The following FAM20B variants were observed in gnomAD, a reference collection of about 807,000 sequenced individuals.
The protein encoded by FAM20B is glycosaminoglycan xylosylkinase.
A neutral mutation model predicts 43.8 loss-of-function variants in FAM20B; 23 were observed. The observed-to-expected ratio is 0.53, with a 90% CI of 0.38 to 0.74. FAM20B has a LOEUF of 0.74. FAM20B is among the 30% of genes least tolerant of loss of function. The pLI is 0.00. For synonymous variants in FAM20B, 178 were observed against 192.4 expected (o/e 0.93, Z 0.62); for missense variants, 440 against 510.5 (o/e 0.86, Z 1.33).
the FAM20B span, among the ~76,000 whole-genome samples, chr1:179,018,855 C>T: frequency 1.1e-4 from 17 of 152,040 alleles, no homozygotes; most frequent in African/African-American, 3.9e-4. Flanking sequence ...GTTGAGAAGT[C>T]CCACAATCTG....
Position 179,072,126 on chromosome 1 carries a change from G to GT in FAM20B, c.1212_1213insT (p.Pro405SerfsTer12), listed in dbSNP as rs1407985286. The GT allele has an allele frequency of 6.2e-7, 1 of 1,612,276 alleles. No individual in the cohort carries two copies. Among genetic ancestry groups the GT allele is most frequent in the Non-Finnish European group, 8.5e-7 (1 of 1,178,754 alleles). ...ACACAGTACTGGTGGAAGACAGGAT[G>GT]CCTCTCTCACACTTGTAATTCTCGA... is the stretch of plus-strand genomic sequence containing the variant. On this transcript the variant is annotated frameshift_variant, in exon 8 of 8. Coordinates refer to ENST00000263733, the MANE Select transcript of FAM20B (RefSeq NM_014864.4). LOFTEE classifies it high-confidence loss of function.
At chr1:179,038,579 A>G (rs561266480) in intron 1 of FAM20B, among the ~76,000 whole-genome samples, 7 of 152,336 alleles carry the variant, frequency 4.6e-5, no homozygotes, top group African/African-American at 1.2e-4. Flanking sequence ...CAATACAACT[A>G]GATTTCCATA....
rs371088060 is a variant in FAM20B at position 179,075,838 on chromosome 1, C to T, written c.*3694C>T. 3.3e-5 allele frequency: 5 copies of T among 151,894 alleles called. No individual in the cohort carries two copies. The highest frequency in any genetic ancestry group is 6.6e-5 in the Admixed American group (1 of 15,244). 9.4% of individuals were successfully genotyped at this position (151,894 alleles called of 1,614,324 possible). On this transcript the variant is annotated 3_prime_UTR_variant, in exon 8 of 8. Transcript: ENST00000263733. ...GCCATATTTCTTCAGCCTTTCTTCT[C>T]GATCACCCGTGTATTCTTTGACCAG...
intron 4 of FAM20B, among the ~76,000 whole-genome samples, chr1:179,057,301 C>T (rs1329602030): frequency 6.6e-6 from 1 of 152,032 alleles, no homozygotes; most frequent in South Asian, 2.1e-4. Context: ...GCTGAGATCA[C>T]GCCACTGTAA....
intron 1 of FAM20B, among the ~76,000 whole-genome samples, chr1:179,037,700 T>C (rs1572533126): frequency 6.6e-6 from 1 of 152,046 alleles, no homozygotes; most frequent in South Asian, 2.1e-4. Context: ...TTGTCCAGGC[T>C]GGTCTTGAAC....
Position 179,074,037 on chromosome 1 carries a change from G to A in FAM20B, c.*1893G>A, listed in dbSNP as rs1557882633. ...TGCCAGCCATTGGAAACTAGTTTTA[G>A]GCAACCACTCTCAAAAACAGCTTTA... is the stretch of plus-strand genomic sequence containing the variant. On this transcript the variant is annotated 3_prime_UTR_variant, in exon 8 of 8. Coordinates refer to ENST00000263733, the MANE Select transcript of FAM20B (RefSeq NM_014864.4). 6.6e-6 allele frequency: 1 copy of A among 152,524 alleles called. No individual in the cohort carries two copies. Among genetic ancestry groups the A allele is most frequent in the African/African-American group, 2.4e-5 (1 of 41,444 alleles). 9.4% of individuals were successfully genotyped at this position (152,524 alleles called of 1,614,324 possible).
intron 4 of FAM20B, among the ~76,000 whole-genome samples, chr1:179,056,142 CA>C (rs1424425237): frequency 6.6e-6 from 1 of 152,210 alleles, no homozygotes; most frequent in Non-Finnish European, 1.5e-5. Flanking sequence ...ACATCATAAT[CA>C]CCCAGACTCC....
intron 7 of FAM20B, among the ~76,000 whole-genome samples, chr1:179,070,865 G>A (rs1651892748): frequency 6.6e-6 from 1 of 151,946 alleles, no homozygotes; most frequent in Non-Finnish European, 1.5e-5. Context: ...CATGAGGGCA[G>A]AGCACTCATG....
At chr1:179,019,282 G>A in the FAM20B span, among the ~76,000 whole-genome samples, 1 of 152,194 alleles carries the variant, frequency 6.6e-6, no homozygotes, top group African/African-American at 2.4e-5. Context: ...GTGGTTGGGT[G>A]GCTGGAAGGA....
At position 179,066,787 on chromosome 1, in the gene FAM20B, A is replaced by C. The variant is rs776724918; in HGVS notation, c.939-13A>C. ...CTTCCACCTAATTCACTAAGTTTTA[A>C]TTTAATTTTCAGCTTTGGGAACCCC... On this transcript the variant is annotated splice_polypyrimidine_tract_variant and intron_variant, in intron 6 of 7. Coordinates refer to ENST00000263733, the MANE Select transcript of FAM20B (RefSeq NM_014864.4). 1 of 1,597,596 alleles carries C rather than the reference A, an allele frequency of 6.3e-7. No individual in the cohort carries two copies. The highest frequency in any genetic ancestry group is 8.6e-7 in the Non-Finnish European group (1 of 1,164,974).
chr1:179,047,404 G>T (rs1650816928), intron 2 of FAM20B, among the ~76,000 whole-genome samples: 2 of 152,080 alleles, frequency 1.3e-5, no homozygotes. Flanking sequence ...ACAAAACCCA[G>T]CCTCCACAGC....
rs373762878 is a variant in FAM20B at position 179,064,111 on chromosome 1, A to G, written c.746+13A>G. On this transcript the variant is annotated intron_variant, in intron 5 of 7. Coordinates refer to ENST00000263733, the MANE Select transcript of FAM20B (RefSeq NM_014864.4). ...GCAAATTGGCCAGGTAAATGCTCCT[A>G]TGAGCCATTACTTAATTCTCCCCTG... 56 of 1,599,858 alleles carry G rather than the reference A, an allele frequency of 3.5e-5. No homozygotes were observed. The highest frequency in any genetic ancestry group is 1.0e-4 in the Admixed American group (6 of 57,898).
At position 179,039,987 on chromosome 1, in the gene FAM20B, G is replaced by A. The variant is rs570668923; in HGVS notation, c.-133-3728G>A. On this transcript the variant is annotated intron_variant, in intron 1 of 7. Coordinates refer to ENST00000263733, the MANE Select transcript of FAM20B (RefSeq NM_014864.4). ...TGTTTAACAAAGCACATCTTGCACC[G>A]CCCTTAATCCATTTAACCCTGAGTG... Among the ~76,000 whole-genome samples the A allele has an allele frequency of 2.1e-4, 32 of 152,248 alleles. No individual in the cohort carries two copies. The South Asian group carries it at 3.1e-3, about 15-fold the overall frequency.
At chr1:179,060,813 TGTTTAACCA>T (rs1415948259) in intron 4 of FAM20B, among the ~76,000 whole-genome samples, 1 of 152,342 alleles carries the variant, frequency 6.6e-6, no homozygotes, top group African/African-American at 2.4e-5. Context: ...CCTATATAGA[TGTTTAACCA>T]GTTTATATTC....
intron 1 of FAM20B, among the ~76,000 whole-genome samples, chr1:179,038,105 A>G (rs1268238084): frequency 6.6e-6 from 1 of 152,202 alleles, no homozygotes; most frequent in Non-Finnish European, 1.5e-5. Flanking sequence ...TGAATGAGCA[A>G]TACGATTAAA....
rs1308716006 is a variant in FAM20B, at chr1:179,026,566, T to C, written c.-134+468T>C. On this transcript the variant is annotated intron_variant, in intron 1 of 7. Coordinates refer to ENST00000263733, the MANE Select transcript of FAM20B (RefSeq NM_014864.4). ...AGGGAGCGCGCCCTCGCGGGGTCTT[T>C]GCTGGGCCCGCCTCGTGGCCGGGAA... Among the ~76,000 whole-genome samples the C allele has an allele frequency of 1.6e-4, 25 of 152,026 alleles. 1 individual carries two copies. The highest frequency in any genetic ancestry group is 1.6e-3 in the Admixed American group (25 of 15,282).
chr1:179,060,326 A>T (rs1651409415), intron 4 of FAM20B, among the ~76,000 whole-genome samples: 2 of 152,186 alleles, frequency 1.3e-5, no homozygotes, highest in Non-Finnish European at 2.9e-5. Context: ...TTGTTTTTAC[A>T]ACCAGTGTTG....
chr1:179,063,619 CAAAA>C (rs1325217364), intron 4 of FAM20B, among the ~76,000 whole-genome samples: 2 of 152,190 alleles, frequency 1.3e-5, no homozygotes, highest in Admixed American at 1.3e-4. Context: ...ACAAAACAAA[CAAAA>C]AGTGAATTTG....
At chr1:179,030,082 G>C (rs903238373) in intron 1 of FAM20B, among the ~76,000 whole-genome samples, 2 of 152,142 alleles carry the variant, frequency 1.3e-5, no homozygotes, top group Non-Finnish European at 2.9e-5. Context: ...TAAATTTGCA[G>C]CTTCTTATCT....
Sources: gnomAD v4.1 joint callset for allele counts (sites outside exome capture counted in the v4.1 genomes callset) on GRCh38, gnomAD v4.1.1 for gene constraint, MANE v1.5 for transcripts, NCBI Gene and HGNC (gene_info 2026-07-23, HGNC 2026-07-21) for gene names.